WIPF1: variants seen among roughly 807,000 people sequenced by gnomAD.
WIPF1 encodes WAS/WASL-interacting protein family member 1.
A neutral mutation model predicts 35.4 loss-of-function variants in WIPF1; 13 were observed. That is an observed-to-expected ratio of 0.37 (90% CI 0.24 to 0.58). WIPF1 has a LOEUF of 0.58. Among genes scored for constraint, WIPF1 ranks in the 20% least tolerant of loss-of-function variants. The probability of loss-of-function intolerance (pLI) is 0.74; values close to 1 mark genes in which losing one functional copy is unlikely to be tolerated. For missense variants in WIPF1, 591 were observed against 667.0 expected (o/e 0.89, Z 1.25); for synonymous variants, 267 against 266.3 (o/e 1.00, Z -0.02).
chr2:174,578,024 A>G (rs1685116682), intron 3 of WIPF1, among the ~76,000 whole-genome samples: 2 of 152,182 alleles, frequency 1.3e-5, no homozygotes, highest in African/African-American at 4.8e-5. Flanking sequence ...ATCTATGATG[A>G]TAAGTGGTCC....
intron 1 of WIPF1, among the ~76,000 whole-genome samples, chr2:174,664,176 C>T (rs545600309): frequency 5.9e-5 from 9 of 152,338 alleles, no homozygotes; most frequent in Admixed American, 4.6e-4. Context: ...GAATGAAGGG[C>T]TTCAATCTAA....
chr2:174,631,606 G>A (rs563103148), intron 1 of WIPF1, among the ~76,000 whole-genome samples: 142 of 152,248 alleles, frequency 9.3e-4, no homozygotes, highest in Non-Finnish European at 1.6e-3. Flanking sequence ...TTTGTTATGT[G>A]TCCTTTATCA....
chr2:174,648,518 G>A (rs542096651), intron 1 of WIPF1, among the ~76,000 whole-genome samples: 1 of 152,312 alleles, frequency 6.6e-6, no homozygotes, highest in African/African-American at 2.4e-5. Context: ...TAGTAACACT[G>A]ATGCAAGTGG....
chr2:174,584,083 C>T (rs762403394), intron 2 of WIPF1, among the ~76,000 whole-genome samples: 4 of 152,138 alleles, frequency 2.6e-5, no homozygotes, highest in African/African-American at 7.2e-5. Flanking sequence ...CCAAAGTGCA[C>T]GCCTGGCCAA....
intron 1 of WIPF1, among the ~76,000 whole-genome samples, chr2:174,645,494 G>A (rs1362256608): frequency 1.3e-5 from 2 of 152,160 alleles, no homozygotes; most frequent in African/African-American, 2.4e-5. Flanking sequence ...CCAGACCCCA[G>A]GGCAATTGTT....
intron 1 of WIPF1, among the ~76,000 whole-genome samples, chr2:174,650,685 A>C (rs1356574459): frequency 6.6e-6 from 1 of 152,246 alleles, no homozygotes; most frequent in Non-Finnish European, 1.5e-5. Context: ...ACAGGTATCT[A>C]AATAAGATAG....
rs144662787 is a variant in WIPF1, at chr2:174,610,202, T to C, written c.-38-24591A>G. Among the ~76,000 whole-genome samples, 435 of 152,338 alleles carry C rather than the reference T, an allele frequency of 2.9e-3. 1 individual carries two copies. The highest frequency in any genetic ancestry group is 9.8e-3 in the African/African-American group (408 of 41,580). On this transcript the variant is annotated intron_variant, in intron 1 of 8. Transcript: ENST00000272746. ...GGAGCATGTGCACATATGTTGTTCC[T>C]TTAACTCCAAATACGTATGCAGGGG...
intron 1 of WIPF1, among the ~76,000 whole-genome samples, chr2:174,589,714 A>C (rs1033076554): frequency 6.6e-6 from 1 of 150,692 alleles, no homozygotes; most frequent in Admixed American, 6.7e-5. Flanking sequence ...CACAAACCAT[A>C]ATATCTGATA....
chr2:174,565,868 G>A (rs998353350), intron 7 of WIPF1, among the ~76,000 whole-genome samples: 4 of 151,382 alleles, frequency 2.6e-5, no homozygotes, highest in Admixed American at 6.6e-5. Flanking sequence ...TTCTTTCTTC[G>A]TTGTATACAT....
upstream of WIPF1, among the ~76,000 whole-genome samples, chr2:174,602,685 T>A (rs1451671897): frequency 2.0e-5 from 3 of 152,228 alleles, no homozygotes; most frequent in Non-Finnish European, 2.9e-5. Context: ...TACAGCTACA[T>A]ACAGGGTTGA....
At chr2:174,640,483 A>G (rs1421269756) in intron 1 of WIPF1, among the ~76,000 whole-genome samples, 2 of 151,664 alleles carry the variant, frequency 1.3e-5, no homozygotes, top group Non-Finnish European at 2.9e-5. Context: ...CATGTACCCT[A>G]AAACTTAAAG....
At chr2:174,584,405 G>C (rs1408802474) in intron 2 of WIPF1, among the ~76,000 whole-genome samples, 6 of 152,218 alleles carry the variant, frequency 3.9e-5, no homozygotes, top group African/African-American at 1.4e-4. Context: ...TGGAAACCTG[G>C]GGCAAGAAAC....
At chr2:174,609,672 G>A (rs1394619092) in intron 1 of WIPF1, among the ~76,000 whole-genome samples, 1 of 152,226 alleles carries the variant, frequency 6.6e-6, no homozygotes, top group East Asian at 1.9e-4. Flanking sequence ...TATTTTATTT[G>A]TGAAGGTTCA....
In WIPF1 at chr2:174,562,409, G is replaced by A. The variant is rs1024904197; in HGVS notation, c.*138C>T. ...TTCTTACCGATTCCCACCCACACAC[G>A]CATATTCCCACTCCCCCTCCCACCT... On this transcript the variant is annotated 3_prime_UTR_variant, in exon 8 of 8. Transcript: ENST00000679041. 9 of 1,530,252 alleles carry A rather than the reference G, an allele frequency of 5.9e-6. No homozygotes were observed. Among genetic ancestry groups the A allele is most frequent in the East Asian group, 2.4e-5 (1 of 41,692 alleles). 94.8% of individuals were successfully genotyped at this position (1,530,252 alleles called of 1,614,324 possible).
chr2:174,647,158 A>T (rs1687427741), intron 1 of WIPF1, among the ~76,000 whole-genome samples: 1 of 152,118 alleles, frequency 6.6e-6, no homozygotes, highest in African/African-American at 2.4e-5. Context: ...AATTGCTTTA[A>T]ACCAGGAGTT....
intron 1 of WIPF1, among the ~76,000 whole-genome samples, chr2:174,606,176 T>C (rs896723774): frequency 5.9e-5 from 9 of 152,192 alleles, no homozygotes; most frequent in African/African-American, 1.9e-4. Flanking sequence ...AGATCAGCAC[T>C]GTTCAGTAGA....
intron 3 of WIPF1, among the ~76,000 whole-genome samples, chr2:174,578,664 A>G (rs1258390248): frequency 2.6e-5 from 4 of 151,582 alleles, no homozygotes; most frequent in African/African-American, 9.7e-5. Flanking sequence ...TTTTATTTCC[A>G]TTTTCTGGAT....
In WIPF1 at chr2:174,582,035, C is replaced by T. The variant is rs190614996; in HGVS notation, c.52-596G>A. Among the ~76,000 whole-genome samples the T allele has an allele frequency of 2.8e-4, 43 of 152,158 alleles. 2 individuals are homozygous for T. In the East Asian group the frequency reaches 5.0e-3, roughly 18 times the overall value. On this transcript the variant is annotated intron_variant, in intron 2 of 7. Transcript: ENST00000679041. ...GTGAAATCACCCTTTTTAGTTACAG[C>T]TCTATGAGTTTTGACAAACATATAC...
chr2:174,661,012 T>C (rs1464728900), intron 1 of WIPF1, among the ~76,000 whole-genome samples: 2 of 152,224 alleles, frequency 1.3e-5, no homozygotes, highest in African/African-American at 4.8e-5. Context: ...CCTCACAGCC[T>C]AGAAGGCATC....
Sources: gnomAD v4.1 joint callset for allele counts (sites outside exome capture counted in the v4.1 genomes callset) on GRCh38, gnomAD v4.1.1 for gene constraint, MANE v1.5 for transcripts, NCBI Gene and HGNC (gene_info 2026-07-23, HGNC 2026-07-21) for gene names.